The following DNAH12 variants were observed in gnomAD, a reference collection of about 807,000 sequenced individuals.
The protein encoded by DNAH12 is axonemal beta dynein heavy chain 12.
DNAH12 carries 285 observed loss-of-function variants against 371.5 expected under a neutral mutation model. The observed-to-expected ratio is 0.77, with a 90% CI of 0.70 to 0.85. The LOEUF (loss-of-function observed/expected upper bound fraction) is 0.85, where lower values mean the gene tolerates loss of function less well. Ranked by LOEUF, DNAH12 falls within the 40% of genes least tolerant of loss-of-function variation. The pLI, the probability that DNAH12 is intolerant of heterozygous loss-of-function variation, is 0.00. For missense variants in DNAH12, 3,611 were observed against 3,689.4 expected (o/e 0.98, Z 0.55); for synonymous variants, 1,200 against 1,213.0 (o/e 0.99, Z 0.22).
At chr3:57,361,022 T>C (rs2062916099) in intron 58 of DNAH12, among the ~76,000 whole-genome samples, 1 of 152,058 alleles carries the variant, frequency 6.6e-6, no homozygotes, top group African/African-American at 2.4e-5. Context: ...GCTTATAACA[T>C]TGTATTATTC....
intron 65 of DNAH12, among the ~76,000 whole-genome samples, chr3:57,321,736 A>G (rs2061809696): frequency 6.6e-6 from 1 of 152,188 alleles, no homozygotes. Flanking sequence ...TCTAGCCTAT[A>G]TCAATAATTA....
rs1271372462 is a variant in DNAH12 at position 57,510,849 on chromosome 3, A to G, written c.410T>C (p.Leu137Pro). 1.2e-6 allele frequency: 2 copies of G among 1,614,056 alleles called. No homozygotes were observed. The highest frequency in any genetic ancestry group is 2.2e-5 in the East Asian group (1 of 44,878). Reference sequence around the variant, plus strand: ...TGACACCTCATTTATGAGACTTTCAAGAAGTTCTTCTCTTTCTTTCCCTTC... The same window carrying G: ...TGACACCTCATTTATGAGACTTTCAGGAAGTTCTTCTCTTTCTTTCCCTTC... Reference protein sequence around the residue: ...LKEGKEREELLESLINEVSSD... With the variant: ...LKEGKEREELPESLINEVSSD... The change falls in exon 5 of 74, where the codon CTT (leucine) becomes CCT (proline). Residue 137 changes from leucine (L) to proline (P), a missense_variant. Physicochemically the swap from Leu to Pro is moderately conservative, Grantham distance 98. Transcript: ENST00000495027.
At position 57,408,293 on chromosome 3, in the gene DNAH12, T is replaced by C. The variant is rs1575559246; in HGVS notation, c.6263A>G (p.Asn2088Ser). The C allele has an allele frequency of 1.4e-5, 21 of 1,550,036 alleles. No homozygotes were observed. Among genetic ancestry groups the C allele is most frequent in the Non-Finnish European group, 1.8e-5 (21 of 1,146,242 alleles). ...EYFVIGNQIVNGTMEIYKQSV... is the reference protein window; with the variant it reads ...EYFVIGNQIVSGTMEIYKQSV... The stretch of plus-strand genomic sequence containing the variant: ...TTATTGACTGACCTCCATAGTCCCA[T>C]TGACTATCTGGTTCCCAATTACAAA... Residue 2088 changes from asparagine to serine, a missense_variant, in exon 40 of 74, where the codon AAT (asparagine) becomes AGT (serine). By Grantham distance (46) the Asn-to-Ser change is conservative (BLOSUM62 1). Around this residue, in one of 3 missense-constraint regions of DNAH12, gnomAD observed 2,266 missense variants for 2,236.9 expected, o/e 1.01. Transcript: ENST00000495027.
intron 2 of DNAH12, among the ~76,000 whole-genome samples, chr3:57,538,963 C>T (rs778033011): frequency 5.1e-4 from 77 of 152,320 alleles, no homozygotes; most frequent in Non-Finnish European, 9.4e-4. Context: ...CCTCAATTCT[C>T]TATAAATGGT....
chr3:57,495,576 C>T (rs1432243502), intron 11 of DNAH12, among the ~76,000 whole-genome samples: 3 of 82,076 alleles, frequency 3.7e-5, no homozygotes, highest in Non-Finnish European at 5.4e-5. Flanking sequence ...AAGAGTGAGA[C>T]TCCATCTCAA....
intron 45 of DNAH12, among the ~76,000 whole-genome samples, chr3:57,389,307 G>A (rs888487336): frequency 6.6e-6 from 1 of 150,836 alleles, no homozygotes; most frequent in East Asian, 1.9e-4. Flanking sequence ...TAATAATCAT[G>A]CACATTTAAT....
intron 11 of DNAH12, among the ~76,000 whole-genome samples, chr3:57,493,511 C>A (rs1046937021): frequency 4.6e-5 from 7 of 152,090 alleles, no homozygotes; most frequent in African/African-American, 1.7e-4. Context: ...TACCAAAAGA[C>A]AACTATATAC....
chr3:57,369,949 GA>G (rs1364501374), intron 55 of DNAH12, among the ~76,000 whole-genome samples: 2 of 152,102 alleles, frequency 1.3e-5, no homozygotes, highest in Non-Finnish European at 2.9e-5. Context: ...AACCTTATGT[GA>G]ATACTGGAAA....
At chr3:57,462,299 T>C (rs537211876) in intron 18 of DNAH12, among the ~76,000 whole-genome samples, 2 of 152,322 alleles carry the variant, frequency 1.3e-5, no homozygotes, top group East Asian at 3.9e-4. Context: ...TCACCCAGGC[T>C]GGAGTGCAGA....
chr3:57,359,559 C>CAAAAAAAAAA (rs1268515074), intron 58 of DNAH12, among the ~76,000 whole-genome samples: 8 of 72,100 alleles, frequency 1.1e-4, no homozygotes, highest in Non-Finnish European at 1.4e-4. Context: ...AACTCCATCT[C>CAAAAAAAAAA]AAAAAAAAAA....
chr3:57,548,910 G>A (rs1314746324), upstream of DNAH12: 2 of 152,116 alleles, frequency 1.3e-5, no homozygotes, highest in South Asian at 2.1e-4. Context: ...CCTGCATAAG[G>A]ATGACACACA....
chr3:57,534,190 C>G (rs888335224), intron 2 of DNAH12, among the ~76,000 whole-genome samples: 13 of 152,138 alleles, frequency 8.5e-5, no homozygotes, highest in African/African-American at 3.1e-4. Flanking sequence ...ACTCTCCATC[C>G]CCAAGTGCAC....
chr3:57,302,565 G>GTT, intron 69 of DNAH12, among the ~76,000 whole-genome samples: 1 of 28,858 alleles, frequency 3.5e-5, no homozygotes, highest in Non-Finnish European at 5.9e-5. Flanking sequence ...ATATATATAT[G>GTT]TATTTTTTTT....
At chr3:57,313,219 A>G (rs536748829) in intron 66 of DNAH12, among the ~76,000 whole-genome samples, 1 of 152,296 alleles carries the variant, frequency 6.6e-6, no homozygotes, top group East Asian at 1.9e-4. Flanking sequence ...TAAGTAGGGG[A>G]TTAATGTACA....
At chr3:57,424,790 C>CA (rs66686551) in intron 35 of DNAH12, among the ~76,000 whole-genome samples, 1,881 of 125,012 alleles carry the variant, frequency 0.015, 31 homozygotes, top group African/African-American at 0.04. Flanking sequence ...GCCCTGTCTC[C>CA]AAAAAAAAAA....
At chr3:57,401,947 C>T (rs2063882002) in intron 43 of DNAH12, among the ~76,000 whole-genome samples, 1 of 152,094 alleles carries the variant, frequency 6.6e-6, no homozygotes, top group Non-Finnish European at 1.5e-5. Flanking sequence ...TATTAATATG[C>T]TAAAAATAAC....
chr3:57,423,750 C>G (rs1185062282), intron 35 of DNAH12, among the ~76,000 whole-genome samples: 3 of 152,164 alleles, frequency 2.0e-5, no homozygotes, highest in Non-Finnish European at 4.4e-5. Flanking sequence ...ACTGACTTCT[C>G]CCTACCTGAG....
chr3:57,423,155 T>C (rs975681883), intron 35 of DNAH12, among the ~76,000 whole-genome samples: 3 of 152,148 alleles, frequency 2.0e-5, no homozygotes, highest in African/African-American at 7.2e-5. Context: ...AGTAAATATA[T>C]ATTCAGAGAA....
chr3:57,372,676 C>A (rs2153337720), intron 55 of DNAH12, among the ~76,000 whole-genome samples: 1 of 151,598 alleles, frequency 6.6e-6, no homozygotes, highest in African/African-American at 2.4e-5. Context: ...ATTATAAATA[C>A]CAGCACAAAC....
Sources: gnomAD v4.1 joint callset for allele counts (sites outside exome capture counted in the v4.1 genomes callset) on GRCh38, gnomAD v4.1.1 for gene constraint, gnomAD v4.1.1 regional missense constraint, MANE v1.5 for transcripts, NCBI Gene and HGNC (gene_info 2026-07-23, HGNC 2026-07-21) for gene names.